The following ZNF438 variants were observed in gnomAD, a reference collection of about 807,000 sequenced individuals.
ZNF438 encodes zinc finger protein 438.
ZNF438 carries 25 observed loss-of-function variants against 38.0 expected under a neutral mutation model. The ratio of observed to expected loss-of-function variants is 0.66; its 90% CI spans 0.48 to 0.92. The LOEUF is 0.92. ZNF438 is among the 40% of genes least tolerant of loss of function. ZNF438 has a pLI of 0.00. For synonymous variants in ZNF438, 372 were observed against 364.1 expected (o/e 1.02, Z -0.25); for missense variants, 1,007 against 999.6 (o/e 1.01, Z -0.10).
At chr10:30,886,354 T>C (rs1312587116) in intron 3 of ZNF438, among the ~76,000 whole-genome samples, 1 of 152,198 alleles carries the variant, frequency 6.6e-6, no homozygotes, top group Non-Finnish European at 1.5e-5. Flanking sequence ...TAGGTGTTGT[T>C]TGAAAATTTT....
At chr10:30,994,043 A>G (rs1001025083) in intron 1 of ZNF438, among the ~76,000 whole-genome samples, 5 of 152,166 alleles carry the variant, frequency 3.3e-5, no homozygotes, top group Admixed American at 2.6e-4. Context: ...CTCCACCACT[A>G]TATTTTGGAA....
At chr10:30,967,862 A>G (rs1368443863) in intron 1 of ZNF438, among the ~76,000 whole-genome samples, 1 of 152,226 alleles carries the variant, frequency 6.6e-6, no homozygotes, top group African/African-American at 2.4e-5. Flanking sequence ...CAGTAAGATC[A>G]GAAGGAACTA....
chr10:30,964,233 T>G (rs1032976027), intron 1 of ZNF438, among the ~76,000 whole-genome samples: 1 of 152,210 alleles, frequency 6.6e-6, no homozygotes, highest in African/African-American at 2.4e-5. Flanking sequence ...AAATGTCAGA[T>G]AGCCTTACTC....
chr10:30,920,775 T>C (rs752731378), intron 2 of ZNF438: 1 of 152,196 alleles, frequency 6.6e-6, no homozygotes, highest in South Asian at 2.1e-4. Context: ...AGGTCAAGAA[T>C]AGAAATAGCC....
chr10:30,978,447 T>A (rs1374584120), intron 1 of ZNF438, among the ~76,000 whole-genome samples: 1 of 152,214 alleles, frequency 6.6e-6, no homozygotes, highest in Non-Finnish European at 1.5e-5. Context: ...AGGGTTTTTT[T>A]AAGCATTGTT....
intron 3 of ZNF438, among the ~76,000 whole-genome samples, chr10:30,894,457 C>A (rs958293577): frequency 6.6e-6 from 1 of 152,088 alleles, no homozygotes; most frequent in Admixed American, 6.5e-5. Context: ...TCCTCTAGTG[C>A]CCTGAAACGA....
intron 1 of ZNF438, among the ~76,000 whole-genome samples, chr10:30,987,823 T>C (rs1412675252): frequency 6.6e-6 from 1 of 152,162 alleles, no homozygotes; most frequent in African/African-American, 2.4e-5. Context: ...TCTTTGACTT[T>C]CCAGCCTTCC....
At chr10:30,959,582 C>CA (rs760298159) in intron 1 of ZNF438, among the ~76,000 whole-genome samples, 64,741 of 123,090 alleles carry the variant, frequency 0.53, 18,852 homozygotes, top group African/African-American at 0.59. Context: ...ACTAAAAATA[C>CA]AAAAAAAAAA....
chr10:30,864,049 C>G (rs2036015545), intron 4 of ZNF438, among the ~76,000 whole-genome samples: 1 of 152,172 alleles, frequency 6.6e-6, no homozygotes, highest in Admixed American at 6.5e-5. Context: ...ATCCCCAGGG[C>G]CATCTCTCTC....
chr10:30,941,343 A>T (rs1234519436), intron 2 of ZNF438, among the ~76,000 whole-genome samples: 1 of 152,180 alleles, frequency 6.6e-6, no homozygotes, highest in Non-Finnish European at 1.5e-5. Context: ...AAGTGCTGGC[A>T]TTACAGGCAT....
chr10:30,949,479 C>T (rs559169466), intron 1 of ZNF438, among the ~76,000 whole-genome samples: 2 of 152,294 alleles, frequency 1.3e-5, no homozygotes, highest in African/African-American at 4.8e-5. Flanking sequence ...GGTCAAGACC[C>T]ATCAGTGTGC....
intron 4 of ZNF438, among the ~76,000 whole-genome samples, chr10:30,874,150 A>ACG (rs2038033270): frequency 1.1e-5 from 1 of 93,098 alleles, no homozygotes; most frequent in African/African-American, 6.3e-5. Flanking sequence ...ATATATATAT[A>ACG]TATATATATA....
chr10:30,971,757 A>G (rs1255331838), intron 1 of ZNF438, among the ~76,000 whole-genome samples: 1 of 152,096 alleles, frequency 6.6e-6, no homozygotes, highest in Non-Finnish European at 1.5e-5. Context: ...TGATATTCCT[A>G]ATTGCTATAT....
At chr10:30,929,500 G>C (rs776124076) in intron 2 of ZNF438, among the ~76,000 whole-genome samples, 8 of 152,212 alleles carry the variant, frequency 5.3e-5, no homozygotes, top group Non-Finnish European at 1.0e-4. Flanking sequence ...GATTGTTACA[G>C]CTCATAAAGG....
chr10:31,007,399 A>G (rs1435693541), intron 1 of ZNF438, among the ~76,000 whole-genome samples: 1 of 148,548 alleles, frequency 6.7e-6, no homozygotes, highest in East Asian at 2.0e-4. Flanking sequence ...CTCCTGTCTC[A>G]GCCTCCTGAG....
At chr10:30,884,615 T>C (rs1419930636) in intron 3 of ZNF438, among the ~76,000 whole-genome samples, 2 of 152,274 alleles carry the variant, frequency 1.3e-5, no homozygotes, top group East Asian at 3.9e-4. Flanking sequence ...AGGAATAAAA[T>C]TAAAGAATGC....
intron 1 of ZNF438, among the ~76,000 whole-genome samples, chr10:31,006,314 C>T (rs1366400461): frequency 6.6e-6 from 1 of 152,022 alleles, no homozygotes; most frequent in Non-Finnish European, 1.5e-5. Flanking sequence ...TTAAGTTGAT[C>T]ACCAACAGCC....
At chr10:31,014,860 GTATA>G (rs3054683) in intron 1 of ZNF438, among the ~76,000 whole-genome samples, 94,154 of 149,344 alleles carry the variant, frequency 0.63, 29,894 homozygotes, top group Middle Eastern at 0.68. Context: ...GTGTGTGTGT[GTATA>G]TATATATATA....
chr10:30,916,831 A>G (rs1351593684), intron 2 of ZNF438, among the ~76,000 whole-genome samples: 1 of 152,040 alleles, frequency 6.6e-6, no homozygotes, highest in African/African-American at 2.4e-5. Context: ...CTTGGTTGAT[A>G]TATGCACAAC....
Sources: allele counts gnomAD v4.1 joint callset (sites outside exome capture counted in the v4.1 genomes callset), GRCh38; gene constraint gnomAD v4.1.1; transcripts MANE v1.5; gene names NCBI Gene and HGNC (gene_info 2026-07-23, HGNC 2026-07-21).